HERC2: variants seen among roughly 807,000 people sequenced by gnomAD.
HERC2 encodes the protein E3 ubiquitin-protein ligase HERC2.
HERC2 carries 102 observed loss-of-function variants against 537.7 expected under a neutral mutation model. The observed-to-expected ratio is 0.19, with a 90% CI of 0.16 to 0.22. The LOEUF (loss-of-function observed/expected upper bound fraction) is 0.22, where lower values mean the gene tolerates loss of function less well. HERC2 is among the 10% of genes least tolerant of loss of function. The pLI is 1.00. For missense variants in HERC2, 4,236 were observed against 6,198.2 expected (o/e 0.68, Z 10.63); for synonymous variants, 2,224 against 2,466.2 (o/e 0.90, Z 2.91).
At chr15:28,246,989 C>T in intron 21 of HERC2, 92 bp from the exon 22 acceptor site, 1 of 1,062,262 alleles carries the variant, frequency 9.4e-7, no homozygotes, top group Non-Finnish European at 1.4e-6. Flanking sequence ...CTCATCTACA[C>T]ATCTTTTACC....
At chr15:28,129,773 C>T (rs7495599) in intron 83 of HERC2, among the ~76,000 whole-genome samples, 126,557 of 148,502 alleles carry the variant, frequency 0.85, 57,229 homozygotes, top group Non-Finnish European at 0.99. Flanking sequence ...GTATAAGCCT[C>T]TGCCTCCTTT....
rs543143033 is a variant in HERC2, at chr15:28,122,186, G to A, written c.13189-757C>T. On this transcript the variant is annotated intron_variant, in intron 85 of 92. Transcript: ENST00000261609. This position sits in a 1 kb window ranked among gnomAD's most constrained non-coding sequence, Gnocchi z 4.1. Reference sequence around the variant, plus strand: ...GCCTGGGGTGAAGACAGCAGGGCGTGGCCAAACATCAGCACCACGGTGAGG... The same window carrying A: ...GCCTGGGGTGAAGACAGCAGGGCGTAGCCAAACATCAGCACCACGGTGAGG... 3.9e-5 allele frequency among the ~76,000 whole-genome samples: 6 copies of A among 152,340 alleles called. No individual in the cohort carries two copies. Among genetic ancestry groups the A allele is most frequent in the Non-Finnish European group, 5.9e-5 (4 of 68,024 alleles).
intron 65 of HERC2, among the ~76,000 whole-genome samples, chr15:28,170,681 C>T (rs761898047): frequency 6.6e-5 from 10 of 152,136 alleles, no homozygotes; most frequent in Non-Finnish European, 1.5e-4. Flanking sequence ...CAAAATTAAA[C>T]ACTTTCGTTC....
intron 3 of HERC2, among the ~76,000 whole-genome samples, chr15:28,297,717 G>A (rs1210963399): frequency 6.6e-6 from 1 of 152,146 alleles, no homozygotes; most frequent in Non-Finnish European, 1.5e-5. Context: ...GAAGGGGCAG[G>A]ACACCAGAGA....
At chr15:28,230,596 C>G in intron 30 of HERC2, 96 bp from the exon 31 acceptor site, 2 of 850,240 alleles carry the variant, frequency 2.4e-6, no homozygotes, top group Non-Finnish European at 3.7e-6. Context: ...ACAAATATCT[C>G]ATTCAAATAA....
chr15:28,280,872 T>G (rs1176416177), intron 4 of HERC2, among the ~76,000 whole-genome samples: 1 of 151,974 alleles, frequency 6.6e-6, no homozygotes, highest in African/African-American at 2.4e-5. Context: ...ATTTTGTCAC[T>G]GCACTCCAGC....
At chr15:28,276,135 A>G in intron 5 of HERC2, among the ~76,000 whole-genome samples, 2 of 142,540 alleles carry the variant, frequency 1.4e-5, no homozygotes. Context: ...GCAGTGAGCC[A>G]AGATCGCACC....
intron 4 of HERC2, among the ~76,000 whole-genome samples, chr15:28,286,767 C>A (rs996086407): frequency 6.6e-6 from 1 of 152,160 alleles, no homozygotes; most frequent in Non-Finnish European, 1.5e-5. Flanking sequence ...GATTACAACA[C>A]CCAATGGCCA....
chr15:28,131,603 C>A (rs1596008672), intron 81 of HERC2, among the ~76,000 whole-genome samples: 1 of 152,202 alleles, frequency 6.6e-6, no homozygotes, highest in Admixed American at 6.5e-5. Flanking sequence ...AGCAGAGCCG[C>A]CGACCCCACC....
rs1889048428 is a variant in HERC2, at chr15:28,122,631, A to G, written c.13189-1202T>C. Among the ~76,000 whole-genome samples, 1 of 151,870 alleles carries G rather than the reference A, an allele frequency of 6.6e-6. No individual in the cohort carries two copies. Among genetic ancestry groups the G allele is most frequent in the Admixed American group, 6.6e-5 (1 of 15,258 alleles). On this transcript the variant is annotated intron_variant, in intron 85 of 92. Transcript: ENST00000261609. This position sits in a 1 kb window ranked among gnomAD's most constrained non-coding sequence, Gnocchi z 4.1. Reference sequence around the variant, plus strand: ...TCTCCTCCCAGTCACCAGCCCGCCCACCTTCCTGGAGAGTCCATTTTGGTG... The same window carrying G: ...TCTCCTCCCAGTCACCAGCCCGCCCGCCTTCCTGGAGAGTCCATTTTGGTG...
At chr15:28,226,808 A>G (rs570460277) in intron 35 of HERC2, among the ~76,000 whole-genome samples, 2 of 152,358 alleles carry the variant, frequency 1.3e-5, no homozygotes, top group South Asian at 4.1e-4. Flanking sequence ...AGAGAACAGG[A>G]GAAAATACCC....
At chr15:28,321,180 C>T (rs1194933788) in intron 2 of HERC2, among the ~76,000 whole-genome samples, 182 bp downstream of exon 2, 1 of 152,074 alleles carries the variant, frequency 6.6e-6, no homozygotes, top group African/African-American at 2.4e-5. Flanking sequence ...AAGGCAGCCG[C>T]GCACGATCTA....
At position 28,209,533 on chromosome 15, in the gene HERC2, T is replaced by C. The variant is rs774245290; in HGVS notation, c.7069+1469A>G. Among the ~76,000 whole-genome samples, 82 of 152,148 alleles carry C rather than the reference T, an allele frequency of 5.4e-4. 1 individual carries two copies. The highest frequency in any genetic ancestry group is 1.2e-3 in the Admixed American group (19 of 15,276). The stretch of plus-strand genomic sequence containing the variant: ...TAATTTTTTGTATTTTTAGTAGAGA[T>C]GGAGTTTCACCGTGTTAGCCAGGAT... On this transcript the variant is annotated intron_variant, in intron 44 of 92. Coordinates refer to ENST00000261609, the MANE Select transcript of HERC2 (RefSeq NM_004667.6).
chr15:28,111,845 T>G lies in HERC2; in HGVS notation c.14423A>C (p.Asp4808Ala), dbSNP rs139574855. 6.4e-5 allele frequency: 104 copies of G among 1,614,120 alleles called. No individual in the cohort carries two copies. Among genetic ancestry groups the G allele is most frequent in the African/African-American group, 2.7e-4 (20 of 74,950 alleles). Residue 4808 changes from aspartate (D) to alanine (A), a missense_variant, in exon 93 of 93, where the codon GAC becomes GCC. By Grantham distance (126) the Asp-to-Ala change is moderately radical (BLOSUM62 -2). Transcript: ENST00000261609. ...RIALTGEPAA[D>A]DSSDDSDNED... The stretch of plus-strand genomic sequence containing the variant: ...GTTATCTGAATCGTCGCTGCTGTCG[T>G]CGGCGGCTGGCTCTCCTGTAAGTGC...
chr15:28,278,315 C>T (rs1410006359), intron 5 of HERC2, among the ~76,000 whole-genome samples: 4 of 151,890 alleles, frequency 2.6e-5, no homozygotes. Flanking sequence ...CCCAGGAGGT[C>T]AAAGCTGCAG....
chr15:28,147,941 G>GTC (rs1187099304), intron 70 of HERC2, among the ~76,000 whole-genome samples: 1 of 151,900 alleles, frequency 6.6e-6, no homozygotes, highest in African/African-American at 2.4e-5. Context: ...GGAGGCTGAT[G>GTC]GGGAAGGACG....
In HERC2 at chr15:28,201,496, C is replaced by T. The variant is rs201798633; in HGVS notation, c.7676G>A (p.Ser2559Asn). 4.0e-5 allele frequency: 64 copies of T among 1,613,080 alleles called. No homozygotes were observed. The highest frequency in any genetic ancestry group is 5.9e-6 in the Non-Finnish European group (7 of 1,179,160). Residue 2559 changes from serine to asparagine, a missense_variant, in exon 48 of 93, where the codon AGT (serine) becomes AAT (asparagine). This residue lies in a region of HERC2 where 606 missense variants were observed against 884.5 expected (regional missense o/e 0.69). Coordinates refer to ENST00000261609, the MANE Select transcript of HERC2 (RefSeq NM_004667.6). ...QTYKKRADFL[S>N]NDDYAVYVRE... ...CACATATACAGCATAATCATCATTA[C>T]TCAAGAAATCAGCTCGTTTTTTGTA...
chr15:28,113,446 C>T lies in HERC2; in HGVS notation c.14019+127G>A, dbSNP rs1887874668. 4 of 1,060,568 alleles carry T rather than the reference C, an allele frequency of 3.8e-6. No individual in the cohort carries two copies. The South Asian group carries it at 4.2e-5, about 11-fold the overall frequency. The allele number at this position is 1,060,568 out of a possible 1,614,324, so 65.7% of individuals were successfully genotyped here. ...AGCCTCCTGCAGGCGGGTGGAGGGACGCGCTCAGAGTGCACTCCCTTCAGT... is the reference window on the plus strand; with the variant it reads ...AGCCTCCTGCAGGCGGGTGGAGGGATGCGCTCAGAGTGCACTCCCTTCAGT... On this transcript the variant is annotated intron_variant, in intron 91 of 92. Transcript: ENST00000261609. The surrounding 1 kb of genome is among the most constrained non-coding windows in gnomAD (Gnocchi z 7.0).
At chr15:28,115,789 G>A (rs1888166556) in intron 88 of HERC2, among the ~76,000 whole-genome samples, 1 of 152,178 alleles carries the variant, frequency 6.6e-6, no homozygotes, top group African/African-American at 2.4e-5. Flanking sequence ...AAGCCACACA[G>A]TGGCCAATTC....
Sources: allele counts gnomAD v4.1 joint callset (sites outside exome capture counted in the v4.1 genomes callset), GRCh38; gene constraint gnomAD v4.1.1; regional missense constraint gnomAD v4.1.1; non-coding constraint Gnocchi (gnomAD v3.1); transcripts MANE v1.5; gene names NCBI Gene and HGNC (gene_info 2026-07-23, HGNC 2026-07-21).